The following RUNX1T1 variants were observed in gnomAD, a reference collection of about 807,000 sequenced individuals.
RUNX1T1 encodes protein CBFA2T1.
Under a neutral mutation model 62.8 loss-of-function variants are expected in RUNX1T1, and 4 were observed. The observed-to-expected ratio is 0.06, with a 90% confidence interval of 0.03 to 0.15. RUNX1T1 has a LOEUF of 0.15. Ranked by LOEUF, RUNX1T1 falls within the 10% of genes least tolerant of loss-of-function variation. RUNX1T1 has a pLI of 1.00. For missense variants in RUNX1T1, 508 were observed against 754.3 expected, an observed-to-expected ratio of 0.67 and a Z score of 3.82; for synonymous variants, 291 against 286.0, an observed-to-expected ratio of 1.02 and a Z score of -0.18.
intron 8 of RUNX1T1, chr8:91,977,163 T>C (rs1814152675): frequency 5.1e-6 from 1 of 197,674 alleles, no homozygotes; most frequent in Non-Finnish European, 1.0e-5. Flanking sequence ...GCACACAGAT[T>C]ATCAACTGGC....
exon 11 of RUNX1T1, chr8:91,960,215 T>C: frequency 1.3e-6 from 2 of 1,595,258 alleles, no homozygotes; most frequent in Non-Finnish European, 1.7e-6. Flanking sequence ...TTGTGTTGTC[T>C]TTCCTCCGAC....
upstream of RUNX1T1, chr8:92,063,754 CTCTT>C (rs1349041245): frequency 6.6e-6 from 1 of 152,226 alleles, no homozygotes; most frequent in Non-Finnish European, 1.5e-5. Flanking sequence ...TCTCCTAAAA[CTCTT>C]TCTCAGTTTT....
chr8:92,066,880 G>C (rs1832956364), upstream of RUNX1T1, among the ~76,000 whole-genome samples: 1 of 152,224 alleles, frequency 6.6e-6, no homozygotes, highest in Non-Finnish European at 1.5e-5. Flanking sequence ...TCAAGGTTAA[G>C]AGGTTATCTG....
chr8:92,037,059 C>T (rs1827558557), intron 1 of RUNX1T1, among the ~76,000 whole-genome samples: 1 of 152,180 alleles, frequency 6.6e-6, no homozygotes, highest in Non-Finnish European at 1.5e-5. Flanking sequence ...ACTTCATATA[C>T]ATACCTACAC....
At chr8:91,968,972 C>T (rs1372396606) in intron 10 of RUNX1T1, among the ~76,000 whole-genome samples, 1 of 152,084 alleles carries the variant, frequency 6.6e-6, no homozygotes, top group Non-Finnish European at 1.5e-5. Context: ...CCTCTGAATT[C>T]CAAACCCTTT....
At chr8:92,043,923 A>G (rs2130196580) in intron 1 of RUNX1T1, among the ~76,000 whole-genome samples, 1 of 149,946 alleles carries the variant, frequency 6.7e-6, no homozygotes, top group Middle Eastern at 3.4e-3. Context: ...GGTTGCAGTG[A>G]GCTGAGATCA....
chr8:92,068,110 T>A (rs1833140015), intron 2 of RUNX1T1, among the ~76,000 whole-genome samples: 2 of 152,182 alleles, frequency 1.3e-5, no homozygotes, highest in African/African-American at 4.8e-5. Flanking sequence ...CTGCTGTTTT[T>A]TTTCAAGTAA....
intron 1 of RUNX1T1, among the ~76,000 whole-genome samples, chr8:92,031,080 A>G (rs1399429005): frequency 4.6e-5 from 7 of 152,204 alleles, no homozygotes; most frequent in Non-Finnish European, 1.5e-5. Flanking sequence ...CCACTGAGCT[A>G]ACCAAGCCAA....
intron 1 of RUNX1T1, among the ~76,000 whole-genome samples, chr8:92,041,813 G>T (rs1357707346): frequency 6.6e-6 from 1 of 151,070 alleles, no homozygotes; most frequent in African/African-American, 2.4e-5. Context: ...AAAAATGAAG[G>T]GGTGGGTTTT....
intron 1 of RUNX1T1, among the ~76,000 whole-genome samples, chr8:92,082,375 G>A (rs1228064031): frequency 1.3e-5 from 2 of 152,172 alleles, no homozygotes; most frequent in Non-Finnish European, 2.9e-5. Context: ...GAATAGTGAA[G>A]TCTTGAAGAA....
intron 1 of RUNX1T1, chr8:92,095,396 G>T (rs998179059): frequency 9.1e-6 from 14 of 1,535,436 alleles, no homozygotes; most frequent in Non-Finnish European, 1.2e-5. Context: ...GCGGCACCCA[G>T]ACCGCGGCTT....
chr8:92,017,276 G>A lies in RUNX1T1; in HGVS notation c.95C>T (p.Pro32Leu), dbSNP rs552022984. The change falls in exon 2 of 11, where the codon CCC (proline) becomes CTC (leucine). Residue 32 changes from proline (P) to leucine (L), a missense_variant. Transcript: ENST00000396218. ...TCTTGGAGCTCCTTGAGTAGTTGGG[G>A]GAGGTGGCATTGTTGGAGGAGTCAG... is the stretch of plus-strand genomic sequence containing the variant. 6 of 1,614,088 alleles carry A rather than the reference G, an allele frequency of 3.7e-6. No individual in the cohort carries two copies. The South Asian group carries it at 5.5e-5, about 15-fold the overall frequency.
intron 6 of RUNX1T1, among the ~76,000 whole-genome samples, chr8:91,991,264 A>C (rs1458629454): frequency 6.6e-6 from 1 of 152,218 alleles, no homozygotes; most frequent in Admixed American, 6.5e-5. Context: ...AAGAAAATCA[A>C]GTGATTTTTA....
chr8:91,994,546 T>G (rs1001010789), intron 5 of RUNX1T1: 2 of 491,028 alleles, frequency 4.1e-6, no homozygotes, highest in African/African-American at 3.9e-5. Flanking sequence ...AGACCTGAGA[T>G]CTAGTCCTGG....
chr8:92,084,247 A>G (rs935500208), intron 1 of RUNX1T1, among the ~76,000 whole-genome samples: 1 of 150,750 alleles, frequency 6.6e-6, no homozygotes. Flanking sequence ...AAAGTATAAT[A>G]AAAATAAAAA....
intron 1 of RUNX1T1, among the ~76,000 whole-genome samples, chr8:92,032,925 T>C (rs1287127076): frequency 6.6e-6 from 1 of 152,152 alleles, no homozygotes; most frequent in African/African-American, 2.4e-5. Flanking sequence ...CTCTCTAGTA[T>C]TTTTTTAAAT....
At chr8:92,034,695 C>A (rs1356269919) in intron 1 of RUNX1T1, among the ~76,000 whole-genome samples, 1 of 148,356 alleles carries the variant, frequency 6.7e-6, no homozygotes, top group Non-Finnish European at 1.5e-5. Context: ...TGTGTGTATA[C>A]ATGTATACAT....
intron 2 of RUNX1T1, among the ~76,000 whole-genome samples, chr8:92,075,673 A>C (rs975032873): frequency 8.5e-5 from 13 of 152,188 alleles, no homozygotes; most frequent in African/African-American, 3.1e-4. Context: ...ATGTATTATG[A>C]AACATGGCAA....
At chr8:92,005,476 A>T (rs1820576439) in intron 4 of RUNX1T1, 179 bp from the exon 6 acceptor site, 1 of 572,944 alleles carries the variant, frequency 1.7e-6, no homozygotes, top group African/African-American at 1.9e-5. Context: ...ATGTGCGCAG[A>T]TTGCCCTAAG....
Sources: allele counts gnomAD v4.1 joint callset (sites outside exome capture counted in the v4.1 genomes callset), GRCh38; gene constraint gnomAD v4.1.1; transcripts MANE v1.5; gene names NCBI Gene and HGNC (gene_info 2026-07-23, HGNC 2026-07-21).